Variants in TEX35 observed in about 807,000 individuals in gnomAD.
The protein encoded by TEX35 is testis-expressed protein 35.
A neutral mutation model predicts 31.9 loss-of-function variants in TEX35; 26 were observed. That is an observed-to-expected ratio of 0.81 (90% CI 0.60 to 1.13). TEX35 has a LOEUF of 1.13. Among genes scored for constraint, TEX35 ranks in the 50% most tolerant of loss-of-function variants. The pLI, the probability that TEX35 is intolerant of heterozygous loss-of-function variation, is 0.00. For synonymous variants in TEX35, 87 were observed against 90.7 expected, an observed-to-expected ratio of 0.96 and a Z score of 0.23; for missense variants, 278 against 273.5, an observed-to-expected ratio of 1.02 and a Z score of -0.12.
At chr1:178,521,047 T>G (rs547931694) in intron 7 of TEX35, 173 bp downstream of exon 7, 1,580 of 1,546,390 alleles carry the variant, frequency 1.0e-3, no homozygotes, top group Non-Finnish European at 1.3e-3. Context: ...CTTCTAGGCC[T>G]GTGGAGCCTC....
chr1:178,521,794 A>G, intron 8 of TEX35: 4 of 1,547,754 alleles, frequency 2.6e-6, no homozygotes, highest in Non-Finnish European at 3.5e-6. Flanking sequence ...GAGATTAAAA[A>G]CCTTCATTCA....
chr1:178,514,268 A>AT (rs1649988593), intron 2 of TEX35, 191 bp downstream of exon 2: 1 of 1,500,318 alleles, frequency 6.7e-7, no homozygotes, highest in Admixed American at 2.2e-5. Flanking sequence ...ACAAGGACTC[A>AT]TTCAGCAGTG....
At chr1:178,521,695 G>A (rs1553246152) in intron 8 of TEX35, 1 of 1,551,966 alleles carries the variant, frequency 6.4e-7, no homozygotes, top group Non-Finnish European at 8.7e-7. Context: ...CCTACCAGCA[G>A]TTCCGATTCA....
intron 8 of TEX35, 26 bp downstream of exon 8, chr1:178,521,290 CT>C (rs767978232): frequency 1.9e-6 from 3 of 1,613,960 alleles, no homozygotes; most frequent in Non-Finnish European, 2.5e-6. Flanking sequence ...CAAGATGTGC[CT>C]TTTCTCGATC....
At chr1:178,516,203 G>C (rs955281146) in intron 4 of TEX35, among the ~76,000 whole-genome samples, 5 of 152,196 alleles carry the variant, frequency 3.3e-5, no homozygotes, top group African/African-American at 1.2e-4. Context: ...TATGAATTTA[G>C]GGGAAGTCAG....
downstream of TEX35, among the ~76,000 whole-genome samples, chr1:178,522,898 A>G (rs1438772308): frequency 6.6e-6 from 1 of 152,072 alleles, no homozygotes; most frequent in Non-Finnish European, 1.5e-5. Flanking sequence ...TGGTAGGTCT[A>G]ATTTATTCTA....
intron 6 of TEX35, 69 bp from the exon 7 acceptor site, chr1:178,520,603 TG>T: frequency 6.3e-7 from 1 of 1,593,478 alleles, no homozygotes. Flanking sequence ...ACCCGTGTAC[TG>T]GTTATCTCCT....
At chr1:178,519,993 T>C (rs564035903) in intron 5 of TEX35, among the ~76,000 whole-genome samples, 28 of 152,194 alleles carry the variant, frequency 1.8e-4, no homozygotes, top group Non-Finnish European at 3.5e-4. Context: ...ATGCCAAGGG[T>C]CAAAACATTG....
In TEX35 at chr1:178,522,627, T is replaced by C; in HGVS notation, c.*187T>C. ...TTTGCTAAGCTGGCTGCTTCTACCATCTAATAAATAATTGGCCAAGTTCTT... is the reference window on the plus strand; with the variant it reads ...TTTGCTAAGCTGGCTGCTTCTACCACCTAATAAATAATTGGCCAAGTTCTT... On this transcript the variant is annotated 3_prime_UTR_variant, in exon 9 of 9. Transcript: ENST00000319416. The C allele has an allele frequency of 2.3e-6, 3 of 1,284,452 alleles. No homozygotes were observed. The highest frequency in any genetic ancestry group is 3.0e-6 in the Non-Finnish European group (3 of 1,015,738). The allele number at this position is 1,284,452 out of a possible 1,614,324, so 79.6% of individuals were successfully genotyped here. A position where few individuals can be genotyped will look rare whatever the true frequency, so the allele number is the denominator to read the frequency against.
intron 4 of TEX35, among the ~76,000 whole-genome samples, chr1:178,516,121 A>G (rs1156398835): frequency 2.6e-5 from 4 of 152,178 alleles, no homozygotes; most frequent in Non-Finnish European, 5.9e-5. Flanking sequence ...AGGACTCCCT[A>G]AAGTGTCTCT....
chr1:178,523,447 A>C (rs1650350834), downstream of TEX35: 1 of 467,080 alleles, frequency 2.1e-6, no homozygotes, highest in Admixed American at 3.8e-5. Context: ...TCTCCGGGTC[A>C]AGTTCTTAAT....
rs776534066 is a variant in TEX35 at position 178,520,914 on chromosome 1, C to T, written c.543+40C>T. 5.0e-6 allele frequency: 8 copies of T among 1,609,754 alleles called. 1 individual carries two copies. Among genetic ancestry groups the T allele is most frequent in the Middle Eastern group, 3.8e-4 (2 of 5,236 alleles). On this transcript the variant is annotated intron_variant, in intron 7 of 8. Transcript: ENST00000319416. ...GCCCGAGCCCAGCACTGGTGCCAGA[C>T]CCCTGGCTCCGGCTCCCTGGTGACT... is the stretch of plus-strand genomic sequence containing the variant.
chr1:178,522,271 A>G, intron 8 of TEX35, 54 bp from the exon 9 acceptor site: 1 of 1,521,680 alleles, frequency 6.6e-7, no homozygotes, highest in Non-Finnish European at 8.9e-7. Context: ...GGTTCTGGGG[A>G]TCCACCCTTC....
chr1:178,514,626 G>C (rs181849515), intron 2 of TEX35, 74 bp from the exon 3 acceptor site: 2 of 1,426,036 alleles, frequency 1.4e-6, no homozygotes, highest in South Asian at 2.5e-5. Context: ...AACACAGGGG[G>C]ATCTCTTCTG....
intron 5 of TEX35, among the ~76,000 whole-genome samples, 191 bp from the exon 6 acceptor site, chr1:178,520,181 G>A (rs966750547): frequency 2.6e-5 from 4 of 152,090 alleles, no homozygotes; most frequent in African/African-American, 7.2e-5. Flanking sequence ...CTGTGCTTTC[G>A]TCTCATTGGG....
At chr1:178,515,943 G>A (rs753996191) in intron 4 of TEX35, 28 bp downstream of exon 4, 3 of 1,570,304 alleles carry the variant, frequency 1.9e-6, no homozygotes, top group Middle Eastern at 1.7e-4. Flanking sequence ...TCCATATCAT[G>A]GAGGGAAAGT....
At chr1:178,520,896 C>G (rs760179437) in intron 7 of TEX35, 22 bp downstream of exon 7, 2 of 1,613,058 alleles carry the variant, frequency 1.2e-6, no homozygotes, top group Non-Finnish European at 1.7e-6. Flanking sequence ...CCTGCCCGAG[C>G]CCAGCACTGG....
chr1:178,521,289 C>T, intron 8 of TEX35, 25 bp downstream of exon 8: 1 of 1,613,892 alleles, frequency 6.2e-7, no homozygotes, highest in Non-Finnish European at 8.5e-7. Flanking sequence ...ACAAGATGTG[C>T]CTTTTCTCGA....
At position 178,520,875 on chromosome 1, in the gene TEX35, G is replaced by A. The variant is rs148057293; in HGVS notation, c.543+1G>A. The A allele has an allele frequency of 1.5e-4, 246 of 1,614,020 alleles. 2 individuals are homozygous for A. The highest frequency in any genetic ancestry group is 8.9e-4 in the South Asian group (81 of 91,058). Reference sequence around the variant, plus strand: ...CCTTCATCACTGTGGGACCTGCTGCGTAAGTGAAACCCTGCCCGAGCCCAG... The same window carrying A: ...CCTTCATCACTGTGGGACCTGCTGCATAAGTGAAACCCTGCCCGAGCCCAG... On this transcript the variant is annotated splice_donor_variant, in intron 7 of 8. Transcript: ENST00000319416. LOFTEE classifies it high-confidence loss of function.
Sources: allele counts gnomAD v4.1 joint callset (sites outside exome capture counted in the v4.1 genomes callset), GRCh38; gene constraint gnomAD v4.1.1; transcripts MANE v1.5; gene names NCBI Gene and HGNC (gene_info 2026-07-23, HGNC 2026-07-21).